Variants in UBR1 observed in about 807,000 individuals in gnomAD.
The protein encoded by UBR1 is ubiquitin protein ligase E3 component n-recognin 1.
UBR1 carries 102 observed loss-of-function variants against 242.1 expected under a neutral mutation model. The ratio of observed to expected loss-of-function variants is 0.42; its 90% CI spans 0.36 to 0.50. UBR1 has a LOEUF of 0.50. UBR1 is among the 20% of genes least tolerant of loss of function. The pLI is 0.01. For synonymous variants in UBR1, 675 were observed against 684.8 expected (o/e 0.99, Z 0.22); for missense variants, 1,772 against 2,101.8 (o/e 0.84, Z 3.07).
chr15:43,044,280 G>A (rs536728082), intron 14 of UBR1, among the ~76,000 whole-genome samples: 1 of 152,312 alleles, frequency 6.6e-6, no homozygotes, highest in East Asian at 1.9e-4. Context: ...ATTGAAGATG[G>A]TAGATTGGAG....
At chr15:43,003,447 G>C (rs2032757014) in intron 31 of UBR1, 1 of 302,426 alleles carries the variant, frequency 3.3e-6, no homozygotes, top group Non-Finnish European at 6.4e-6. Context: ...GTAGAGACAG[G>C]GTTTTACCAC....
chr15:43,012,736 A>G (rs1022779876), intron 29 of UBR1, among the ~76,000 whole-genome samples: 15 of 152,152 alleles, frequency 9.9e-5, no homozygotes, highest in Admixed American at 6.5e-4. Context: ...TTATTACCCT[A>G]TAGTCAGCCA....
Position 42,958,098 on chromosome 15 carries a change from G to A in UBR1, c.4758-8C>T, listed in dbSNP as rs2141253434. On this transcript the variant is annotated splice_polypyrimidine_tract_variant and splice_region_variant and intron_variant, in intron 43 of 46. Transcript: ENST00000290650. ...TTTCTTTTTCTAGGGTACCTACAATGTAATTTAAAAGGCAATTTTATTTTA... is the reference window on the plus strand; with the variant it reads ...TTTCTTTTTCTAGGGTACCTACAATATAATTTAAAAGGCAATTTTATTTTA... 3 of 1,608,228 alleles carry A rather than the reference G, an allele frequency of 1.9e-6. No individual in the cohort carries two copies. Among genetic ancestry groups the A allele is most frequent in the Non-Finnish European group, 2.6e-6 (3 of 1,175,386 alleles).
At chr15:42,996,397 G>C (rs957822985) in intron 33 of UBR1, among the ~76,000 whole-genome samples, 1 of 152,050 alleles carries the variant, frequency 6.6e-6, no homozygotes, top group Non-Finnish European at 1.5e-5. Flanking sequence ...AGGAGTTTGA[G>C]ACCAGTCTGG....
At chr15:43,028,945 T>C (rs1359147546) in intron 21 of UBR1, among the ~76,000 whole-genome samples, 2 of 151,228 alleles carry the variant, frequency 1.3e-5, no homozygotes, top group Admixed American at 6.6e-5. Context: ...ACTAGCCGGG[T>C]GTGGTGGCGT....
In UBR1 at chr15:43,003,255, G is replaced by GT. The variant is rs2032754015; in HGVS notation, c.3510-552dup. 6 of 163,996 alleles carry GT rather than the reference G, an allele frequency of 3.7e-5. No individual in the cohort carries two copies. In the South Asian group the frequency reaches 9.7e-4, roughly 27 times the overall value. The allele number at this position is 163,996 out of a possible 1,614,324, so 10.2% of individuals were successfully genotyped here. A position where few individuals can be genotyped will look rare whatever the true frequency, so the allele number is the denominator to read the frequency against. On this transcript the variant is annotated intron_variant, in intron 31 of 46. Transcript: ENST00000290650. Reference sequence around the variant, plus strand: ...ATTACTTTTTTATTATTTATTTGTTGTGTTTATTAATTTTTTTGAGACGAT... The same window carrying GT: ...ATTACTTTTTTATTATTTATTTGTTGTTGTTTATTAATTTTTTTGAGACGAT...
At chr15:43,040,498 A>G (rs1448310204) in intron 15 of UBR1, among the ~76,000 whole-genome samples, 1 of 152,206 alleles carries the variant, frequency 6.6e-6, no homozygotes, top group Admixed American at 6.5e-5. Flanking sequence ...TAAAAACCCT[A>G]GAAGAAAACC....
At chr15:43,032,872 CAT>C (rs745855735) in intron 19 of UBR1, among the ~76,000 whole-genome samples, 27 of 152,278 alleles carry the variant, frequency 1.8e-4, no homozygotes, top group Admixed American at 3.9e-4. Context: ...TTATCCCCCA[CAT>C]AGTCATAAAT....
intron 27 of UBR1, among the ~76,000 whole-genome samples, chr15:43,017,605 TTAG>T (rs2033046037): frequency 6.6e-6 from 1 of 151,640 alleles, no homozygotes; most frequent in Non-Finnish European, 1.5e-5. Flanking sequence ...AGGTCAGGAG[TTAG>T]AGATCAGCCT....
chr15:43,017,013 A>C, intron 28 of UBR1, 82 bp downstream of exon 28: 1 of 1,082,302 alleles, frequency 9.2e-7, no homozygotes, highest in South Asian at 1.3e-5. Flanking sequence ...CCTAACAAAA[A>C]AGCAGTAGCT....
At chr15:43,097,127 T>C (rs1407326457) in intron 1 of UBR1, among the ~76,000 whole-genome samples, 5 of 152,184 alleles carry the variant, frequency 3.3e-5, no homozygotes, top group Non-Finnish European at 7.4e-5. Context: ...AGAATGGATA[T>C]TGTGTTAGCA....
intron 5 of UBR1, among the ~76,000 whole-genome samples, chr15:43,070,045 T>C (rs1469393843): frequency 1.3e-5 from 2 of 151,910 alleles, no homozygotes; most frequent in Non-Finnish European, 2.9e-5. Flanking sequence ...CAAATGAAAA[T>C]AGCCAGTAAA....
At chr15:42,980,964 T>C (rs1382990129) in intron 37 of UBR1, among the ~76,000 whole-genome samples, 1 of 152,060 alleles carries the variant, frequency 6.6e-6, no homozygotes, top group Non-Finnish European at 1.5e-5. Context: ...ACATAGAAAA[T>C]AGCTCCTATT....
chr15:43,081,518 T>C (rs910564747), intron 3 of UBR1, among the ~76,000 whole-genome samples: 3 of 151,956 alleles, frequency 2.0e-5, no homozygotes, highest in African/African-American at 7.2e-5. Flanking sequence ...TTCTAATAGG[T>C]ATATAGTAAC....
intron 1 of UBR1, among the ~76,000 whole-genome samples, chr15:43,096,542 G>C (rs1223372335): frequency 6.6e-6 from 1 of 152,206 alleles, no homozygotes; most frequent in Non-Finnish European, 1.5e-5. Flanking sequence ...TGTAGCATGT[G>C]ATAGCATGTT....
At chr15:42,988,579 G>A in intron 35 of UBR1, 2 of 507,724 alleles carry the variant, frequency 3.9e-6, no homozygotes, top group East Asian at 3.9e-5. Flanking sequence ...ACCGTGCCCA[G>A]CTTTTTAAAA....
intron 15 of UBR1, among the ~76,000 whole-genome samples, chr15:43,039,597 A>G (rs994290127): frequency 6.6e-6 from 1 of 152,162 alleles, no homozygotes; most frequent in African/African-American, 2.4e-5. Context: ...ATGGGGTTTT[A>G]TAAATATACA....
chr15:43,009,059 C>G (rs1299354892), intron 29 of UBR1, among the ~76,000 whole-genome samples: 1 of 152,218 alleles, frequency 6.6e-6, no homozygotes, highest in Admixed American at 6.5e-5. Flanking sequence ...AATGGCAGGA[C>G]TGAAAGAGCT....
chr15:43,056,123 C>A (rs1205575708), intron 11 of UBR1, among the ~76,000 whole-genome samples: 4 of 152,158 alleles, frequency 2.6e-5, no homozygotes, highest in African/African-American at 9.7e-5. Context: ...ATAAGTTACT[C>A]TAGAAAGTAA....
Sources: gnomAD v4.1 joint callset for allele counts (sites outside exome capture counted in the v4.1 genomes callset) on GRCh38, gnomAD v4.1.1 for gene constraint, MANE v1.5 for transcripts, NCBI Gene and HGNC (gene_info 2026-07-23, HGNC 2026-07-21) for gene names.